The following VARS1 variants were observed in gnomAD, a reference collection of about 807,000 sequenced individuals.
The protein encoded by VARS1 is valyl-tRNA synthetase 1.
Under a neutral mutation model 161.0 loss-of-function variants are expected in VARS1, and 92 were observed. The observed-to-expected ratio is 0.57, with a 90% CI of 0.48 to 0.68. The LOEUF is 0.68. VARS1 is among the 30% of genes least tolerant of loss of function. The probability of loss-of-function intolerance (pLI) is 0.00; values close to 1 mark genes in which losing one functional copy is unlikely to be tolerated. For synonymous variants in VARS1, 595 were observed against 682.5 expected (o/e 0.87, Z 2.00); for missense variants, 1,338 against 1,695.9 (o/e 0.79, Z 3.71).
Position 31,795,303 on chromosome 6 carries a change from T to A in VARS1, c.-33-53A>T, listed in dbSNP as rs1250144528. Reference sequence around the variant, plus strand: ...CTGCGGGATCGAGGTGGGTCCTATGTTTGAGTAGAGAGGGGACCCTCACGG... The same window carrying A: ...CTGCGGGATCGAGGTGGGTCCTATGATTGAGTAGAGAGGGGACCCTCACGG... On this transcript the variant is annotated intron_variant, in intron 1 of 29. Transcript: ENST00000375663. This position sits in a 1 kb window ranked among gnomAD's most constrained non-coding sequence, Gnocchi z 6.9. The A allele has an allele frequency of 7.9e-7, 1 of 1,263,826 alleles. No homozygotes were observed. Among genetic ancestry groups the A allele is most frequent in the Non-Finnish European group, 1.0e-6 (1 of 986,162 alleles). 78.3% of individuals were successfully genotyped at this position (1,263,826 alleles called of 1,614,324 possible). A position where few individuals can be genotyped will look rare whatever the true frequency, so the allele number is the denominator to read the frequency against.
At position 31,785,037 on chromosome 6, in the gene VARS1, C is replaced by A. The variant is rs960349212; in HGVS notation, c.1347+209G>T. 2.6e-5 allele frequency among the ~76,000 whole-genome samples: 4 copies of A among 152,090 alleles called. No individual in the cohort carries two copies. Among genetic ancestry groups the A allele is most frequent in the Admixed American group, 1.3e-4 (2 of 15,264 alleles). On this transcript the variant is annotated intron_variant, in intron 10 of 29. Coordinates refer to ENST00000375663, the MANE Select transcript of VARS1 (RefSeq NM_006295.3). This position sits in a 1 kb window ranked among gnomAD's most constrained non-coding sequence, Gnocchi z 6.1. ...TGCCATCTGGAGGAATCTGGAGCTCCCAGAGCCAAGACAGGGAACATGAAG... is the reference window on the plus strand; with the variant it reads ...TGCCATCTGGAGGAATCTGGAGCTCACAGAGCCAAGACAGGGAACATGAAG...
At chr6:31,789,362 T>C (rs1813721803) in intron 8 of VARS1, among the ~76,000 whole-genome samples, 1 of 151,582 alleles carries the variant, frequency 6.6e-6, no homozygotes, top group Admixed American at 6.6e-5. Flanking sequence ...AACATGAAAA[T>C]AGGCACAACT....
In VARS1 at chr6:31,781,971, T is replaced by C. The variant is rs751874117; in HGVS notation, c.2242-19A>G. 1.9e-6 allele frequency: 3 copies of C among 1,613,110 alleles called. No individual in the cohort carries two copies. The highest frequency in any genetic ancestry group is 1.7e-6 in the Non-Finnish European group (2 of 1,179,988). ...CAGGGTCCTGCCACAGGTGCAGTGATTACCCAAGGGGGTGTGTCTGCTTCT... is the reference window on the plus strand; with the variant it reads ...CAGGGTCCTGCCACAGGTGCAGTGACTACCCAAGGGGGTGTGTCTGCTTCT... On this transcript the variant is annotated intron_variant, in intron 18 of 29. Coordinates refer to ENST00000375663, the MANE Select transcript of VARS1 (RefSeq NM_006295.3). This position sits in a 1 kb window ranked among gnomAD's most constrained non-coding sequence, Gnocchi z 6.8.
chr6:31,792,355 C>A (rs1285097759), intron 5 of VARS1, 37 bp downstream of exon 5: 1 of 1,614,022 alleles, frequency 6.2e-7, no homozygotes, highest in Non-Finnish European at 8.5e-7. Context: ...CATCACCGCA[C>A]ACATCAACTT....
At chr6:31,792,090 G>C (rs1813908468) in intron 6 of VARS1, 119 bp from the exon 7 acceptor site, 1 of 1,456,320 alleles carries the variant, frequency 6.9e-7, no homozygotes. Context: ...CATTTGAGGG[G>C]CCTAGAGGCA....
chr6:31,780,433 G>T lies in VARS1; in HGVS notation c.2925+8C>A. On this transcript the variant is annotated splice_region_variant and intron_variant, in intron 25 of 29. Transcript: ENST00000375663. The surrounding 1 kb of genome is among the most constrained non-coding windows in gnomAD (Gnocchi z 5.1). ...TGCTGCCAGCTTTGCTGCCCACCAG[G>T]CCCTTACCTGGGAGGTGGGTGAGGG... is the stretch of plus-strand genomic sequence containing the variant. 4.3e-6 allele frequency: 7 copies of T among 1,611,092 alleles called. No homozygotes were observed. Among genetic ancestry groups the T allele is most frequent in the Non-Finnish European group, 5.1e-6 (6 of 1,178,494 alleles).
chr6:31,792,172 T>G (rs1813914179), intron 6 of VARS1, 45 bp downstream of exon 6: 2 of 1,604,148 alleles, frequency 1.2e-6, no homozygotes, highest in Middle Eastern at 2.1e-4. Context: ...GGGTGAAAAC[T>G]TAGAAGGGGC....
chr6:31,778,896 C>A lies in VARS1; in HGVS notation c.3726+71G>T. On this transcript the variant is annotated intron_variant, in intron 29 of 29. Transcript: ENST00000375663. The surrounding 1 kb of genome is among the most constrained non-coding windows in gnomAD (Gnocchi z 5.1). ...AATTAGTTGTCAACACCACTGCACT[C>A]GGACCAGCCCAGACCAGGGTTTTGA... 4.4e-6 allele frequency: 7 copies of A among 1,593,246 alleles called. No homozygotes were observed. The South Asian group carries it at 7.8e-5, about 18-fold the overall frequency.
In VARS1 at chr6:31,781,472, T is replaced by C. The variant is rs745322239; in HGVS notation, c.2544+9A>G. On this transcript the variant is annotated intron_variant, in intron 21 of 29. Transcript: ENST00000375663. This position sits in a 1 kb window ranked among gnomAD's most constrained non-coding sequence, Gnocchi z 6.8. The stretch of plus-strand genomic sequence containing the variant: ...GGGGGCGATGGGAGGGTCTCGGCTG[T>C]CTCCGCACCTCTCTAAAGGGCAGCC... 1.5e-5 allele frequency: 24 copies of C among 1,611,038 alleles called. No homozygotes were observed. Among genetic ancestry groups the C allele is most frequent in the Non-Finnish European group, 1.9e-5 (22 of 1,179,640 alleles).
rs1170302324 is a variant in VARS1 at position 31,785,187 on chromosome 6, G to A, written c.1347+59C>T. 1 of 1,602,476 alleles carries A rather than the reference G, an allele frequency of 6.2e-7. No individual in the cohort carries two copies. Among genetic ancestry groups the A allele is most frequent in the Non-Finnish European group, 8.5e-7 (1 of 1,170,738 alleles). ...ACAACACCTCTGCTTTCTCCTGTGG[G>A]GGTCCCACCCTGGGGAGACTCCTAC... On this transcript the variant is annotated intron_variant, in intron 10 of 29. Coordinates refer to ENST00000375663, the MANE Select transcript of VARS1 (RefSeq NM_006295.3). The surrounding 1 kb of genome is among the most constrained non-coding windows in gnomAD (Gnocchi z 6.1).
chr6:31,783,162 G>A lies in VARS1; in HGVS notation c.1696C>T (p.His566Tyr), dbSNP rs1264108397. Residue 566 changes from histidine (H) to tyrosine (Y), a missense_variant, in exon 14 of 30, where the codon CAC (histidine) becomes TAC (tyrosine). Physicochemically the swap from His to Tyr is moderately conservative, Grantham distance 83. This residue lies in a region of VARS1 where 902 missense variants were observed against 1,090.3 expected (regional missense o/e 0.83). Transcript: ENST00000375663. ...GGAAGGCTCCGAGACAGGAATGGGT[G>A]GATCACGTTCTTCCCCTTCAGGTGC... is the stretch of plus-strand genomic sequence containing the variant. Reference protein sequence around the residue: ...YQHLKGKNVIHPFLSRSLPIV... With the variant: ...YQHLKGKNVIYPFLSRSLPIV... The A allele has an allele frequency of 6.2e-7, 1 of 1,612,648 alleles. No individual in the cohort carries two copies. The highest frequency in any genetic ancestry group is 8.5e-7 in the Non-Finnish European group (1 of 1,179,940).
In VARS1 at chr6:31,791,787, C is replaced by G. The variant is rs780810420; in HGVS notation, c.973-50G>C. On this transcript the variant is annotated intron_variant, in intron 7 of 29. Coordinates refer to ENST00000375663, the MANE Select transcript of VARS1 (RefSeq NM_006295.3). The surrounding 1 kb of genome is among the most constrained non-coding windows in gnomAD (Gnocchi z 5.0). Reference sequence around the variant, plus strand: ...TGTTTAAGGCCTCAGGTCACCTCTCCCAGCCCCTCCCAGGCAACACATCCT... The same window carrying G: ...TGTTTAAGGCCTCAGGTCACCTCTCGCAGCCCCTCCCAGGCAACACATCCT... 8 of 1,612,910 alleles carry G rather than the reference C, an allele frequency of 5.0e-6. No homozygotes were observed. Among genetic ancestry groups the G allele is most frequent in the Non-Finnish European group, 5.9e-6 (7 of 1,180,020 alleles).
rs1181049103 is a variant in VARS1 at position 31,781,981 on chromosome 6, G to A, written c.2242-29C>T. 2 of 1,613,124 alleles carry A rather than the reference G, an allele frequency of 1.2e-6. No homozygotes were observed. The highest frequency in any genetic ancestry group is 1.7e-5 in the Admixed American group (1 of 60,026). On this transcript the variant is annotated intron_variant, in intron 18 of 29. Transcript: ENST00000375663. This position sits in a 1 kb window ranked among gnomAD's most constrained non-coding sequence, Gnocchi z 6.8. Reference sequence around the variant, plus strand: ...CCACAGGTGCAGTGATTACCCAAGGGGGTGTGTCTGCTTCTGGCTCACCCT... The same window carrying A: ...CCACAGGTGCAGTGATTACCCAAGGAGGTGTGTCTGCTTCTGGCTCACCCT...
chr6:31,781,236 G>T lies in VARS1; in HGVS notation c.2545-113C>A. ...CACTGTGAACCTCAGGTCCCACTGA[G>T]TGTCCCCAAGAGCTCGTTGAGCGCC... On this transcript the variant is annotated intron_variant, in intron 21 of 29. Coordinates refer to ENST00000375663, the MANE Select transcript of VARS1 (RefSeq NM_006295.3). The surrounding 1 kb of genome is among the most constrained non-coding windows in gnomAD (Gnocchi z 6.8). 1 of 1,310,220 alleles carries T rather than the reference G, an allele frequency of 7.6e-7. No individual in the cohort carries two copies. Among genetic ancestry groups the T allele is most frequent in the Non-Finnish European group, 1.1e-6 (1 of 934,530 alleles). 81.2% of individuals were successfully genotyped at this position (1,310,220 alleles called of 1,614,324 possible). A position where few individuals can be genotyped will look rare whatever the true frequency, so the allele number is the denominator to read the frequency against.
chr6:31,788,783 T>C (rs2151429375), intron 8 of VARS1, among the ~76,000 whole-genome samples: 1 of 152,110 alleles, frequency 6.6e-6, no homozygotes, highest in South Asian at 2.1e-4. Flanking sequence ...CACTCCAGCC[T>C]GGGCGACAGA....
At position 31,780,678 on chromosome 6, in the gene VARS1, C is replaced by T. The variant is rs770879976; in HGVS notation, c.2797+27G>A. ...GCCTCACAGAAGGAGGAAGGAGTGG[C>T]TGGGAGGGACGCTTTGGGGGCCATA... On this transcript the variant is annotated intron_variant, in intron 24 of 29. Transcript: ENST00000375663. This position sits in a 1 kb window ranked among gnomAD's most constrained non-coding sequence, Gnocchi z 5.1. 1.9e-6 allele frequency: 3 copies of T among 1,613,896 alleles called. No homozygotes were observed. Among genetic ancestry groups the T allele is most frequent in the Admixed American group, 3.3e-5 (2 of 60,006 alleles).
intron 2 of VARS1, 137 bp downstream of exon 2, chr6:31,794,694 A>C: frequency 7.9e-7 from 1 of 1,262,880 alleles, no homozygotes; most frequent in Non-Finnish European, 1.1e-6. Context: ...CAGGGTTACC[A>C]TACCAGTTGG....
chr6:31,785,437 C>A lies in VARS1; in HGVS notation c.1266-110G>T, dbSNP rs1185660733. On this transcript the variant is annotated intron_variant, in intron 9 of 29. Coordinates refer to ENST00000375663, the MANE Select transcript of VARS1 (RefSeq NM_006295.3). This position sits in a 1 kb window ranked among gnomAD's most constrained non-coding sequence, Gnocchi z 6.1. ...CCATCCCCCTGAAATTTACCTGGGC[C>A]CTAGAGCCAACTGACTCTGCCTCTG... The A allele has an allele frequency of 1.4e-5, 21 of 1,542,992 alleles. No individual in the cohort carries two copies. Among genetic ancestry groups the A allele is most frequent in the Non-Finnish European group, 1.7e-5 (19 of 1,137,406 alleles).
chr6:31,782,018 C>A lies in VARS1; in HGVS notation c.2242-66G>T, dbSNP rs535208710. On this transcript the variant is annotated intron_variant, in intron 18 of 29. Transcript: ENST00000375663. This position sits in a 1 kb window ranked among gnomAD's most constrained non-coding sequence, Gnocchi z 8.3. ...TTCTGGCTCACCCTGCCCCTCCCCC[C>A]ACCAAGGACCCAGTAAACCCACCAC... The A allele has an allele frequency of 1.9e-5, 31 of 1,612,236 alleles. No homozygotes were observed. Among genetic ancestry groups the A allele is most frequent in the Non-Finnish European group, 2.2e-5 (26 of 1,179,270 alleles).
Sources: gnomAD v4.1 joint callset for allele counts (sites outside exome capture counted in the v4.1 genomes callset) on GRCh38, gnomAD v4.1.1 for gene constraint, gnomAD v4.1.1 regional missense constraint, Gnocchi (gnomAD v3.1) non-coding constraint, MANE v1.5 for transcripts, NCBI Gene and HGNC (gene_info 2026-07-23, HGNC 2026-07-21) for gene names.